Variants in GMDS observed in about 807,000 individuals in gnomAD.
GMDS encodes the protein GDP-mannose 4,6 dehydratase.
Under a neutral mutation model 49.9 loss-of-function variants are expected in GMDS, and 20 were observed. The ratio of observed to expected loss-of-function variants is 0.40; its 90% CI spans 0.28 to 0.58. GMDS has a LOEUF of 0.58. GMDS is among the 20% of genes least tolerant of loss of function. The pLI, the probability that GMDS is intolerant of heterozygous loss-of-function variation, is 0.42. For missense variants in GMDS, 362 were observed against 481.4 expected (o/e 0.75, Z 2.32); for synonymous variants, 177 against 178.6 (o/e 0.99, Z 0.07).
At chr6:1,634,832 C>T (rs1274042873) in intron 9 of GMDS, among the ~76,000 whole-genome samples, 2 of 152,036 alleles carry the variant, frequency 1.3e-5, no homozygotes, top group East Asian at 1.9e-4. Flanking sequence ...GGGGAGGGGA[C>T]ATAGCGACGG....
chr6:1,788,577 C>T (rs1183340805), intron 7 of GMDS, among the ~76,000 whole-genome samples: 1 of 152,168 alleles, frequency 6.6e-6, no homozygotes. Flanking sequence ...GTGATGACTT[C>T]ATTACTTCAG....
intron 4 of GMDS, among the ~76,000 whole-genome samples, chr6:2,012,668 G>A (rs577644451): frequency 1.3e-5 from 2 of 152,076 alleles, no homozygotes; most frequent in Non-Finnish European, 2.9e-5. Flanking sequence ...TATAGAGAAT[G>A]GCGGTTGAGA....
intron 7 of GMDS, among the ~76,000 whole-genome samples, chr6:1,837,234 T>C (rs1257685002): frequency 6.6e-6 from 1 of 152,236 alleles, no homozygotes; most frequent in East Asian, 1.9e-4. Context: ...TTTATTATAA[T>C]TGTATGTCAT....
chr6:1,804,593 G>T (rs1770088382), intron 7 of GMDS, among the ~76,000 whole-genome samples: 2 of 152,330 alleles, frequency 1.3e-5, no homozygotes, highest in Non-Finnish European at 2.9e-5. Context: ...GATCTCCTAT[G>T]TGTCATGAAT....
intron 9 of GMDS, among the ~76,000 whole-genome samples, chr6:1,657,871 A>AG (rs1491538196): frequency 1.1e-4 from 5 of 44,138 alleles, no homozygotes; most frequent in African/African-American, 3.0e-4. Context: ...AAAAAAAAAG[A>AG]AAAAGAAAAT....
intron 9 of GMDS, among the ~76,000 whole-genome samples, chr6:1,713,768 T>G (rs1766067805): frequency 6.6e-6 from 1 of 152,198 alleles, no homozygotes; most frequent in Non-Finnish European, 1.5e-5. Flanking sequence ...TCTCTTCTCT[T>G]TTTCTTATTC....
intron 6 of GMDS, among the ~76,000 whole-genome samples, chr6:1,942,036 G>C (rs971160301): frequency 2.0e-5 from 3 of 152,182 alleles, no homozygotes; most frequent in Non-Finnish European, 4.4e-5. Flanking sequence ...TCTCCAGCGA[G>C]AGCTAAGCTC....
chr6:1,985,282 G>C (rs1765477359), intron 4 of GMDS, among the ~76,000 whole-genome samples: 1 of 152,124 alleles, frequency 6.6e-6, no homozygotes. Context: ...TTCTGGACCA[G>C]AGCATCCTAG....
chr6:2,054,209 T>A (rs1770651782), intron 4 of GMDS, among the ~76,000 whole-genome samples: 1 of 152,184 alleles, frequency 6.6e-6, no homozygotes, highest in East Asian at 1.9e-4. Flanking sequence ...CATCTGCGGG[T>A]ATTAAAAAGG....
At chr6:1,720,417 T>C (rs1766339025) in intron 9 of GMDS, among the ~76,000 whole-genome samples, 1 of 152,048 alleles carries the variant, frequency 6.6e-6, no homozygotes, top group Admixed American at 6.5e-5. Context: ...AAGGCCAATG[T>C]GATTAAGGAA....
At chr6:1,690,505 T>C (rs1015065952) in intron 9 of GMDS, among the ~76,000 whole-genome samples, 5 of 152,178 alleles carry the variant, frequency 3.3e-5, no homozygotes, top group Admixed American at 6.5e-5. Context: ...TTTTGTCAGG[T>C]CTGTTGAAGA....
chr6:1,959,245 C>T (rs896159708), intron 6 of GMDS, among the ~76,000 whole-genome samples: 4 of 152,254 alleles, frequency 2.6e-5, no homozygotes, highest in Admixed American at 1.3e-4. Flanking sequence ...CTAACACAAA[C>T]ATACAATAAA....
In GMDS at chr6:1,686,410, G is replaced by C. The variant is rs371777858; in HGVS notation, c.987+40006C>G. Among the ~76,000 whole-genome samples, 7 of 152,196 alleles carry C rather than the reference G, an allele frequency of 4.6e-5. No homozygotes were observed. The East Asian group carries it at 1.3e-3, about 29-fold the overall frequency. Reference sequence around the variant, plus strand: ...CTGGAAGACCAACTGGAAATGGTTGGAGAGGGTGTGGGGGGAAGCTGATGA... The same window carrying C: ...CTGGAAGACCAACTGGAAATGGTTGCAGAGGGTGTGGGGGGAAGCTGATGA... On this transcript the variant is annotated intron_variant, in intron 9 of 10. Coordinates refer to ENST00000380815, the MANE Select transcript of GMDS (RefSeq NM_001500.4).
intron 4 of GMDS, among the ~76,000 whole-genome samples, chr6:1,981,150 A>G (rs576856424): frequency 2.8e-4 from 42 of 152,130 alleles, no homozygotes; most frequent in Non-Finnish European, 5.0e-4. Flanking sequence ...CCAAGAGCAA[A>G]CAAACCCCAA....
intron 4 of GMDS, among the ~76,000 whole-genome samples, chr6:2,001,925 TA>T (rs1176777245): frequency 2.0e-5 from 3 of 152,200 alleles, no homozygotes; most frequent in African/African-American, 7.2e-5. Context: ...GTCTCAGTTT[TA>T]TATTTAAATA....
At chr6:1,697,961 C>T (rs998426969) in intron 9 of GMDS, among the ~76,000 whole-genome samples, 2 of 152,174 alleles carry the variant, frequency 1.3e-5, no homozygotes, top group African/African-American at 2.4e-5. Flanking sequence ...AAAGTATCTC[C>T]GTAAAGTAAC....
intron 1 of GMDS, among the ~76,000 whole-genome samples, chr6:2,153,576 A>C (rs920396177): frequency 6.6e-6 from 1 of 152,174 alleles, no homozygotes; most frequent in African/African-American, 2.4e-5. Flanking sequence ...TGAACTCATA[A>C]ACAGATTTAC....
rs572688781 is a variant in GMDS, at chr6:2,217,943, T to C, written c.102+27378A>G. 1.3e-4 allele frequency among the ~76,000 whole-genome samples: 20 copies of C among 152,302 alleles called. No individual in the cohort carries two copies. The Middle Eastern group carries it at 0.01, about 78-fold the overall frequency. Reference sequence around the variant, plus strand: ...TCAAGCAGTATTTTACCCAAGTTAATTTGGACTCTGGAATTATTCTGCCAG... The same window carrying C: ...TCAAGCAGTATTTTACCCAAGTTAACTTGGACTCTGGAATTATTCTGCCAG... On this transcript the variant is annotated intron_variant, in intron 1 of 10. Coordinates refer to ENST00000380815, the MANE Select transcript of GMDS (RefSeq NM_001500.4).
chr6:2,239,836 C>T (rs1472322048), intron 1 of GMDS, among the ~76,000 whole-genome samples: 1 of 152,144 alleles, frequency 6.6e-6, no homozygotes, highest in African/African-American at 2.4e-5. Context: ...CAGGCACCTG[C>T]CCCCATGCCC....
Sources: gnomAD v4.1 joint callset for allele counts (sites outside exome capture counted in the v4.1 genomes callset) on GRCh38, gnomAD v4.1.1 for gene constraint, MANE v1.5 for transcripts, NCBI Gene and HGNC (gene_info 2026-07-23, HGNC 2026-07-21) for gene names.